Variants in MRPL40 observed in about 807,000 individuals in gnomAD.
MRPL40 encodes mitochondrial ribosomal protein L40.
MRPL40 carries 18 observed loss-of-function variants against 24.5 expected under a neutral mutation model. That is an observed-to-expected ratio of 0.73 (90% confidence interval 0.51 to 1.09). The LOEUF is 1.09. MRPL40 is among the 50% of genes least tolerant of loss of function. The pLI is 0.00. For missense variants in MRPL40, 256 were observed against 243.8 expected (o/e 1.05, Z -0.33); for synonymous variants, 108 against 94.6 (o/e 1.14, Z -0.82).
chr22:19,435,960 TAG>T lies in MRPL40; in HGVS notation c.621_*1del. On this transcript the variant is annotated frameshift_variant and stop_lost, in exon 4 of 4. Transcript: ENST00000333130. LOFTEE classifies it high-confidence loss of function. ...GTACACACAAGTGGAGTTTAAGAGATAGACTTGCAGGCTGCTATCCTTAACAT... is the reference window on the plus strand; with the variant it reads ...GTACACACAAGTGGAGTTTAAGAGATACTTGCAGGCTGCTATCCTTAACAT... Reference protein sequence around the residue: ...KVYTQVEFKR* With the variant: ...KVYTQVEFKRX 1 of 1,611,078 alleles carries T rather than the reference TAG, an allele frequency of 6.2e-7. No homozygotes were observed. The highest frequency in any genetic ancestry group is 1.1e-5 in the South Asian group (1 of 90,854).
chr22:19,432,867 G>C, intron 1 of MRPL40: 1 of 1,343,448 alleles, frequency 7.4e-7, no homozygotes, highest in African/African-American at 1.5e-5. Flanking sequence ...CAAGTAGTTA[G>C]AAGTGCCCCG....
chr22:19,433,137 G>A, intron 1 of MRPL40, 128 bp from the exon 2 acceptor site: 1 of 591,382 alleles, frequency 1.7e-6, no homozygotes, highest in Non-Finnish European at 3.0e-6. Context: ...ATGTTGGCCA[G>A]GCTGGTCTTG....
At position 19,433,215 on chromosome 22, in the gene MRPL40, G is replaced by A. The variant is rs993129247; in HGVS notation, c.54-50G>A. 2.2e-6 allele frequency: 3 copies of A among 1,344,002 alleles called. No individual in the cohort carries two copies. The African/African-American group carries it at 4.3e-5, about 19-fold the overall frequency. 83.3% of individuals were successfully genotyped at this position (1,344,002 alleles called of 1,614,324 possible). On this transcript the variant is annotated intron_variant, in intron 1 of 3. Coordinates refer to ENST00000333130, the MANE Select transcript of MRPL40 (RefSeq NM_003776.4). The stretch of plus-strand genomic sequence containing the variant: ...GCTGGGATTACAGACGTGAGCAACC[G>A]CGCCTAGCCTGGAGAAGCAGATATT...
At chr22:19,435,507 C>A in intron 3 of MRPL40, 131 bp from the exon 4 acceptor site, 1 of 836,006 alleles carries the variant, frequency 1.2e-6, no homozygotes, top group Non-Finnish European at 1.9e-6. Flanking sequence ...TTCAACATTC[C>A]ATTTCTTAAT....
chr22:19,435,355 G>A (rs1240212753), intron 3 of MRPL40, among the ~76,000 whole-genome samples: 1 of 152,154 alleles, frequency 6.6e-6, no homozygotes, highest in African/African-American at 2.4e-5. Flanking sequence ...ATCTATAAAG[G>A]GGCAGGTGTT....
chr22:19,435,900 C>T lies in MRPL40; in HGVS notation c.559C>T (p.Pro187Ser). The part of the protein sequence containing the change: ...HYTPPIPNYQ[P>S]PEGRYNDITK... The stretch of plus-strand genomic sequence containing the variant: ...CACACCACCGATCCCTAACTACCAA[C>T]CCCCTGAAGGCAGGTACAATGACAT... Residue 187 changes from proline (P) to serine (S), a missense_variant, in exon 4 of 4, where the codon CCC (proline) becomes TCC (serine). By Grantham distance (74) the Pro-to-Ser change is moderately conservative. Coordinates refer to ENST00000333130, the MANE Select transcript of MRPL40 (RefSeq NM_003776.4). 6.2e-7 allele frequency: 1 copy of T among 1,614,136 alleles called. No individual in the cohort carries two copies. Among genetic ancestry groups the T allele is most frequent in the Non-Finnish European group, 8.5e-7 (1 of 1,180,012 alleles).
rs1371139852 is a variant in MRPL40 at position 19,434,859 on chromosome 22, T to C, written c.261T>C (p.Asp87=). 1 of 1,604,028 alleles carries C rather than the reference T, an allele frequency of 6.2e-7. No individual in the cohort carries two copies. ...KATQELIPIE[D]FITPLKFLDK... Reference sequence around the variant, plus strand: ...CTCAAGAGCTAATTCCTATTGAAGATTTTATTACCCCTCTAAAGTTCTTGG... The same window carrying C: ...CTCAAGAGCTAATTCCTATTGAAGACTTTATTACCCCTCTAAAGTTCTTGG... Residue 87 remains aspartate (D), a synonymous_variant, in exon 3 of 4, where the codon GAT becomes GAC. Transcript: ENST00000333130.
At chr22:19,434,640 C>T in intron 2 of MRPL40, 96 bp from the exon 3 acceptor site, 1 of 980,152 alleles carries the variant, frequency 1.0e-6, no homozygotes, top group Non-Finnish European at 1.5e-6. Context: ...CTCCTTCCCC[C>T]AGTGGAGAGG....
At chr22:19,433,985 G>A (rs539646726) in intron 2 of MRPL40, among the ~76,000 whole-genome samples, 1 of 152,040 alleles carries the variant, frequency 6.6e-6, no homozygotes, top group South Asian at 2.1e-4. Flanking sequence ...GGTCAGGCTG[G>A]TCTCGAACTC....
At chr22:19,433,162 C>G in intron 1 of MRPL40, 103 bp from the exon 2 acceptor site, 1 of 715,672 alleles carries the variant, frequency 1.4e-6, no homozygotes, top group Non-Finnish European at 2.4e-6. Context: ...CCTGACCTCG[C>G]GATCCACCCG....
chr22:19,434,975 C>A, intron 3 of MRPL40, 81 bp downstream of exon 3: 2 of 1,219,874 alleles, frequency 1.6e-6, no homozygotes, highest in Non-Finnish European at 2.3e-6. Flanking sequence ...GTAGTTCACA[C>A]CTGTGATAGT....
At chr22:19,434,428 G>A (rs189015903) in intron 2 of MRPL40, among the ~76,000 whole-genome samples, 233 of 151,844 alleles carry the variant, frequency 1.5e-3, no homozygotes, top group African/African-American at 5.2e-3. Context: ...TCGCCATGTT[G>A]ACCAGGCTGG....
rs1302471395 is a variant in MRPL40 at position 19,432,679 on chromosome 22, A to ACTCGCCTGTGCTCCCTG, written c.53+80_53+96dup. ...GGGGTCTTCGCGACTGTCCGCCAGGACTCGCCTGTGCTCCCTGCTCGCCTC... is the reference window on the plus strand; with the variant it reads ...GGGGTCTTCGCGACTGTCCGCCAGGACTCGCCTGTGCTCCCTGCTCGCCTGTGCTCCCTGCTCGCCTC... On this transcript the variant is annotated intron_variant, in intron 1 of 3. Transcript: ENST00000333130. 14 of 1,485,678 alleles carry ACTCGCCTGTGCTCCCTG rather than the reference A, an allele frequency of 9.4e-6. No individual in the cohort carries two copies. In the South Asian group the frequency reaches 1.0e-4, roughly 11 times the overall value. 92.0% of individuals were successfully genotyped at this position (1,485,678 alleles called of 1,614,324 possible). A position where few individuals can be genotyped will look rare whatever the true frequency, so the allele number is the denominator to read the frequency against.
chr22:19,432,783 C>T lies in MRPL40; in HGVS notation c.53+176C>T. ...AAAATCTGAGCACCCTGGCGAGCAG[C>T]GGTCCTGCTTAAGTCCTCTGTGGTC... On this transcript the variant is annotated intron_variant, in intron 1 of 3. Coordinates refer to ENST00000333130, the MANE Select transcript of MRPL40 (RefSeq NM_003776.4). 2.9e-6 allele frequency: 4 copies of T among 1,386,576 alleles called. No individual in the cohort carries two copies. The South Asian group carries it at 4.8e-5, about 17-fold the overall frequency. 85.9% of individuals were successfully genotyped at this position (1,386,576 alleles called of 1,614,324 possible). A position where few individuals can be genotyped will look rare whatever the true frequency, so the allele number is the denominator to read the frequency against.
intron 2 of MRPL40, among the ~76,000 whole-genome samples, chr22:19,434,175 C>T (rs1297675584): frequency 6.6e-6 from 1 of 150,840 alleles, no homozygotes; most frequent in African/African-American, 2.4e-5. Context: ...AAGAGGAACA[C>T]TTCCCGATTT....
At position 19,432,624 on chromosome 22, in the gene MRPL40, G is replaced by A. The variant is rs747878758; in HGVS notation, c.53+17G>A. 4.5e-6 allele frequency: 7 copies of A among 1,546,928 alleles called. No individual in the cohort carries two copies. The African/African-American group carries it at 9.7e-5, about 21-fold the overall frequency. The stretch of plus-strand genomic sequence containing the variant: ...GACTAGCGGGTGAGTGCGGACGCTG[G>A]CCGGATAGCGGAGTGCCCAGGGCGC... On this transcript the variant is annotated intron_variant, in intron 1 of 3. Coordinates refer to ENST00000333130, the MANE Select transcript of MRPL40 (RefSeq NM_003776.4).
chr22:19,433,043 C>T (rs964497821), intron 1 of MRPL40: 73 of 542,048 alleles, frequency 1.3e-4, no homozygotes, highest in African/African-American at 1.3e-3. Context: ...AGTTCTGCCC[C>T]GGCCTCCCGA....
At chr22:19,433,404 G>A in intron 2 of MRPL40, 56 bp downstream of exon 2, 1 of 1,095,768 alleles carries the variant, frequency 9.1e-7, no homozygotes, top group Non-Finnish European at 1.4e-6. Context: ...TCTATGTGTA[G>A]AGAACAAAGC....
rs781487380 is a variant in MRPL40 at position 19,435,896 on chromosome 22, C to T, written c.555C>T (p.Tyr185=). ...GPHYTPPIPN[Y]QPPEGRYNDI... The stretch of plus-strand genomic sequence containing the variant: ...ATTACACACCACCGATCCCTAACTA[C>T]CAACCCCCTGAAGGCAGGTACAATG... The change falls in exon 4 of 4, where the codon TAC becomes TAT. Residue 185 remains tyrosine, a synonymous_variant. Coordinates refer to ENST00000333130, the MANE Select transcript of MRPL40 (RefSeq NM_003776.4). The T allele has an allele frequency of 3.1e-6, 5 of 1,614,184 alleles. No individual in the cohort carries two copies. Among genetic ancestry groups the T allele is most frequent in the Non-Finnish European group, 4.2e-6 (5 of 1,180,032 alleles).
Sources: allele counts gnomAD v4.1 joint callset (sites outside exome capture counted in the v4.1 genomes callset), GRCh38; gene constraint gnomAD v4.1.1; transcripts MANE v1.5; gene names NCBI Gene and HGNC (gene_info 2026-07-23, HGNC 2026-07-21).